The following SPAG16 variants were observed in gnomAD, a reference collection of about 807,000 sequenced individuals.
SPAG16 encodes the protein sperm-associated antigen 16 protein.
Under a neutral mutation model 80.4 loss-of-function variants are expected in SPAG16, and 86 were observed. The observed-to-expected ratio is 1.07, with a 90% CI of 0.90 to 1.28. SPAG16 has a LOEUF of 1.28. SPAG16 is among the 50% of genes most tolerant of loss of function. SPAG16 has a pLI of 0.00. For synonymous variants in SPAG16, 294 were observed against 265.9 expected, an observed-to-expected ratio of 1.11 and a Z score of -1.03; for missense variants, 870 against 765.3, an observed-to-expected ratio of 1.14 and a Z score of -1.61.
intron 15 of SPAG16, among the ~76,000 whole-genome samples, chr2:214,181,914 A>G (rs957419411): frequency 2.6e-5 from 4 of 151,852 alleles, no homozygotes; most frequent in Non-Finnish European, 5.9e-5. Flanking sequence ...GCCTCTAGGC[A>G]TCACAACTGC....
chr2:213,735,024 C>T (rs914422208), intron 10 of SPAG16, among the ~76,000 whole-genome samples: 1 of 151,910 alleles, frequency 6.6e-6, no homozygotes, highest in Non-Finnish European at 1.5e-5. Flanking sequence ...TGCAGATATA[C>T]TCCATATCTG....
chr2:213,797,765 A>T (rs192202674), intron 10 of SPAG16, among the ~76,000 whole-genome samples: 3 of 152,348 alleles, frequency 2.0e-5, no homozygotes, highest in Non-Finnish European at 2.9e-5. Context: ...GGCATTGTGA[A>T]TAAGCTGCTG....
At chr2:213,285,289 A>G (rs1187805428) in intron 1 of SPAG16, among the ~76,000 whole-genome samples, 1 of 152,234 alleles carries the variant, frequency 6.6e-6, no homozygotes, top group Non-Finnish European at 1.5e-5. Context: ...AGCGATTTTT[A>G]TCGGAAGTAC....
In SPAG16 at chr2:213,882,958, C is replaced by A. The variant is rs191305304; in HGVS notation, c.1214+20330C>A. ...CGCGATCTCGGCTCACTGCAAGCTC[C>A]GCCTCCCAGGCCATTCTCCTCCTCA... On this transcript the variant is annotated intron_variant, in intron 11 of 15. Coordinates refer to ENST00000331683, the MANE Select transcript of SPAG16 (RefSeq NM_024532.5). 3.3e-5 allele frequency among the ~76,000 whole-genome samples: 5 copies of A among 152,202 alleles called. No individual in the cohort carries two copies. In the East Asian group the frequency reaches 9.7e-4, roughly 29 times the overall value.
intron 15 of SPAG16, among the ~76,000 whole-genome samples, chr2:214,288,750 C>CATTTATTTATTT (rs1347336091): frequency 1.1e-4 from 4 of 35,606 alleles, no homozygotes; most frequent in African/African-American, 1.8e-4. Context: ...GTCCTTTGCC[C>CATTTATTTATTT]ACTTATTTAT....
chr2:214,211,402 A>T (rs1238149508), intron 15 of SPAG16, among the ~76,000 whole-genome samples: 1 of 152,228 alleles, frequency 6.6e-6, no homozygotes, highest in African/African-American at 2.4e-5. Flanking sequence ...ACTGGCCTTG[A>T]GGATAATATT....
At chr2:213,810,680 A>G (rs1051308679) in intron 10 of SPAG16, among the ~76,000 whole-genome samples, 1 of 152,146 alleles carries the variant, frequency 6.6e-6, no homozygotes, top group East Asian at 1.9e-4. Flanking sequence ...AAAGTGTATC[A>G]AAAGAATGAG....
intron 11 of SPAG16, among the ~76,000 whole-genome samples, chr2:213,912,185 C>T (rs962489138): frequency 5.9e-5 from 9 of 151,892 alleles, no homozygotes; most frequent in African/African-American, 1.5e-4. Flanking sequence ...ATACTTTGGG[C>T]GTCAGTTAAT....
At chr2:214,295,556 C>T (rs762526821) in intron 15 of SPAG16, among the ~76,000 whole-genome samples, 3 of 152,014 alleles carry the variant, frequency 2.0e-5, no homozygotes, top group Non-Finnish European at 2.9e-5. Context: ...TTTGGGAGGC[C>T]GAGGTGGGTG....
At chr2:214,135,393 A>G (rs2054993633) in intron 14 of SPAG16, among the ~76,000 whole-genome samples, 1 of 152,160 alleles carries the variant, frequency 6.6e-6, no homozygotes, top group Non-Finnish European at 1.5e-5. Context: ...GTACTTGTTG[A>G]CATGCTCCTA....
intron 15 of SPAG16, among the ~76,000 whole-genome samples, chr2:214,371,921 T>A (rs914637214): frequency 1.3e-5 from 2 of 152,182 alleles, no homozygotes; most frequent in Admixed American, 1.3e-4. Flanking sequence ...CCTCAAGCAA[T>A]CTGCCTGCCT....
intron 15 of SPAG16, among the ~76,000 whole-genome samples, chr2:214,328,461 C>T (rs538718083): frequency 1.6e-3 from 242 of 152,328 alleles, no homozygotes; most frequent in African/African-American, 5.5e-3. Context: ...CCATGCCCAA[C>T]GTGTTTAGCA....
chr2:213,432,434 A>G (rs80149576), intron 9 of SPAG16, among the ~76,000 whole-genome samples: 1,620 of 152,278 alleles, frequency 0.011, 29 homozygotes, highest in African/African-American at 0.036. Context: ...CAGAAATAAA[A>G]AAGATCACCG....
At position 213,540,972 on chromosome 2, in the gene SPAG16, C is replaced by T. The variant is rs964852320; in HGVS notation, c.1070+50882C>T. ...GTATGTGCGCGTGCATGTGTGTGTG[C>T]GTGTGCACGCAGGTGCACTCGTAGA... is the stretch of plus-strand genomic sequence containing the variant. On this transcript the variant is annotated intron_variant, in intron 10 of 15. Transcript: ENST00000331683. Among the ~76,000 whole-genome samples, 10 of 152,176 alleles carry T rather than the reference C, an allele frequency of 6.6e-5. No homozygotes were observed. The East Asian group carries it at 1.9e-3, about 29-fold the overall frequency.
chr2:213,681,120 C>T (rs1444126917), intron 10 of SPAG16, among the ~76,000 whole-genome samples: 1 of 152,004 alleles, frequency 6.6e-6, no homozygotes, highest in Admixed American at 6.6e-5. Flanking sequence ...GTCTCCTGGA[C>T]CTGGAAAGAA....
intron 10 of SPAG16, among the ~76,000 whole-genome samples, chr2:213,517,890 C>T (rs1047108469): frequency 1.3e-5 from 2 of 152,046 alleles, no homozygotes; most frequent in African/African-American, 4.8e-5. Context: ...TTGAGATGGG[C>T]CTTGGCAAAG....
chr2:214,307,330 C>A (rs1553551069), intron 15 of SPAG16, among the ~76,000 whole-genome samples: 1 of 150,986 alleles, frequency 6.6e-6, no homozygotes, highest in Non-Finnish European at 1.5e-5. Context: ...TAATTTTTTC[C>A]AAAAAAACAG....
intron 13 of SPAG16, among the ~76,000 whole-genome samples, chr2:214,101,213 C>A (rs1264859838): frequency 2.6e-5 from 4 of 151,864 alleles, no homozygotes; most frequent in Non-Finnish European, 5.9e-5. Flanking sequence ...TTTGAGGGAA[C>A]AAGCTTAATC....
chr2:214,069,715 G>A (rs1319368629), intron 13 of SPAG16, among the ~76,000 whole-genome samples: 2 of 151,088 alleles, frequency 1.3e-5, no homozygotes, highest in South Asian at 4.2e-4. Flanking sequence ...TTTTTTTGTT[G>A]TTTTTAAGCC....
Sources: allele counts gnomAD v4.1 joint callset (sites outside exome capture counted in the v4.1 genomes callset), GRCh38; gene constraint gnomAD v4.1.1; transcripts MANE v1.5; gene names NCBI Gene and HGNC (gene_info 2026-07-23, HGNC 2026-07-21).